CLASP1: variants seen among roughly 807,000 people sequenced by gnomAD.
The protein encoded by CLASP1 is CLIP-associating protein 1.
A neutral mutation model predicts 192.3 loss-of-function variants in CLASP1; 38 were observed. The ratio of observed to expected loss-of-function variants is 0.20; its 90% CI spans 0.15 to 0.26. CLASP1 has a LOEUF of 0.26. Among genes scored for constraint, CLASP1 ranks in the 10% least tolerant of loss-of-function variants. The probability of loss-of-function intolerance (pLI) is 1.00; values close to 1 mark genes in which losing one functional copy is unlikely to be tolerated. For missense variants in CLASP1, 1,433 were observed against 1,932.5 expected, an observed-to-expected ratio of 0.74 and a Z score of 4.85; for synonymous variants, 691 against 712.8, an observed-to-expected ratio of 0.97 and a Z score of 0.49.
intron 1 of CLASP1, among the ~76,000 whole-genome samples, chr2:121,624,845 T>C (rs556024113): frequency 5.3e-5 from 8 of 152,254 alleles, no homozygotes; most frequent in Non-Finnish European, 8.8e-5. Context: ...TTTGCAACCA[T>C]CATCATCATG....
intron 2 of CLASP1, among the ~76,000 whole-genome samples, chr2:121,585,384 G>A (rs935847837): frequency 1.3e-5 from 2 of 152,140 alleles, no homozygotes; most frequent in African/African-American, 4.8e-5. Context: ...CCAGAGGTAG[G>A]TCATGATTTC....
At chr2:121,379,940 A>G (rs1361255139) in intron 33 of CLASP1, among the ~76,000 whole-genome samples, 1 of 152,170 alleles carries the variant, frequency 6.6e-6, no homozygotes, top group Non-Finnish European at 1.5e-5. Flanking sequence ...CAAACTCCCA[A>G]TTCAGGAGCA....
exon 40 of CLASP1, chr2:121,339,002 G>C (rs2062569598): frequency 6.6e-6 from 1 of 152,484 alleles, no homozygotes; most frequent in African/African-American, 2.4e-5. Flanking sequence ...AAAAGACCTG[G>C]TCCTGCTATA....
In CLASP1 at chr2:121,367,459, T is replaced by C. The variant is rs539698048; in HGVS notation, c.3886+129A>G. ...TTCAGTTAAGTAGTGCCTGAACAAA[T>C]GACTAAGCAGAAAGAACAGACCCAG... On this transcript the variant is annotated intron_variant, in intron 35 of 39. Coordinates refer to ENST00000263710, the Ensembl canonical transcript of CLASP1. 5.5e-5 allele frequency: 69 copies of C among 1,253,878 alleles called. No homozygotes were observed. In the African/African-American group the frequency reaches 9.5e-4, roughly 17 times the overall value. The allele number at this position is 1,253,878 out of a possible 1,614,324, so 77.7% of individuals were successfully genotyped here.
At chr2:121,521,698 A>AT (rs35142834) in intron 6 of CLASP1, among the ~76,000 whole-genome samples, 2 of 152,222 alleles carry the variant, frequency 1.3e-5, no homozygotes, top group African/African-American at 4.8e-5. Context: ...TGCCAAGTTA[A>AT]TTTTAAACAC....
chr2:121,414,182 G>C (rs1461296022), intron 23 of CLASP1, among the ~76,000 whole-genome samples: 1 of 152,160 alleles, frequency 6.6e-6, no homozygotes, highest in East Asian at 1.9e-4. Flanking sequence ...AGCACTAGTG[G>C]ACCTGGAATG....
intron 2 of CLASP1, chr2:121,530,935 T>G (rs776819299): frequency 1.4e-6 from 1 of 700,300 alleles, no homozygotes; most frequent in African/African-American, 1.7e-5. Context: ...GTGAGGGCAG[T>G]ACTGCTAACG....
At chr2:121,478,742 C>CCACACACACCA (rs1291728308) in intron 8 of CLASP1, among the ~76,000 whole-genome samples, 3 of 45,140 alleles carry the variant, frequency 6.6e-5, no homozygotes, top group East Asian at 1.4e-3. Flanking sequence ...CACACACACC[C>CCACACACACCA]CACACACACC....
chr2:121,532,365 G>A (rs2094916718), intron 2 of CLASP1: 1 of 152,166 alleles, frequency 6.6e-6, no homozygotes, highest in African/African-American at 2.4e-5. Flanking sequence ...TTCACACTAT[G>A]ACTTCCTTCC....
intron 1 of CLASP1, among the ~76,000 whole-genome samples, chr2:121,619,702 A>G (rs1328543778): frequency 6.6e-6 from 1 of 152,224 alleles, no homozygotes; most frequent in Non-Finnish European, 1.5e-5. Context: ...TATTTTAAAC[A>G]TATTTTTCCC....
chr2:121,382,771 A>T (rs2072051140), intron 32 of CLASP1, among the ~76,000 whole-genome samples: 1 of 152,220 alleles, frequency 6.6e-6, no homozygotes, highest in Admixed American at 6.5e-5. Flanking sequence ...ATCGGACCAG[A>T]GGGACTCCAG....
intron 20 of CLASP1, among the ~76,000 whole-genome samples, chr2:121,428,409 G>T (rs1414036141): frequency 1.3e-5 from 2 of 152,138 alleles, no homozygotes; most frequent in African/African-American, 4.8e-5. Flanking sequence ...TTTTTATTTG[G>T]CTTAATTTCA....
At chr2:121,394,107 TA>T (rs1240014044) in intron 30 of CLASP1, among the ~76,000 whole-genome samples, 1 of 152,152 alleles carries the variant, frequency 6.6e-6, no homozygotes, top group Non-Finnish European at 1.5e-5. Flanking sequence ...TTACACCCTA[TA>T]TAACCTCTCC....
intron 2 of CLASP1, among the ~76,000 whole-genome samples, chr2:121,553,336 C>T (rs1329391735): frequency 6.6e-6 from 1 of 151,930 alleles, no homozygotes; most frequent in African/African-American, 2.4e-5. Context: ...TACCCTGGAA[C>T]CTAAAATAAA....
chr2:121,577,635 T>A (rs2060655287), intron 2 of CLASP1, among the ~76,000 whole-genome samples: 2 of 152,224 alleles, frequency 1.3e-5, no homozygotes, highest in African/African-American at 4.8e-5. Flanking sequence ...CTGACCCACG[T>A]AATTCTTTGG....
chr2:121,444,618 G>C (rs546003933), intron 19 of CLASP1, among the ~76,000 whole-genome samples: 4 of 152,240 alleles, frequency 2.6e-5, no homozygotes, highest in African/African-American at 9.6e-5. Flanking sequence ...ACCCAAGACA[G>C]GCAGTCCATG....
At chr2:121,515,592 CA>C in intron 7 of CLASP1, 72 bp downstream of exon 7, 2 of 991,686 alleles carry the variant, frequency 2.0e-6, no homozygotes, top group Non-Finnish European at 2.9e-6. Flanking sequence ...TATTGCAAAT[CA>C]AGATATTAAC....
At chr2:121,420,187 G>A in intron 22 of CLASP1, among the ~76,000 whole-genome samples, 1 of 151,984 alleles carries the variant, frequency 6.6e-6, no homozygotes, top group Non-Finnish European at 1.5e-5. Context: ...GACATAAAGG[G>A]CTTTATTGGG....
chr2:121,611,595 G>T (rs2065510229), intron 1 of CLASP1, among the ~76,000 whole-genome samples: 1 of 129,936 alleles, frequency 7.7e-6, no homozygotes, highest in Non-Finnish European at 1.6e-5. Flanking sequence ...AACTGGAGGA[G>T]GAGGAGTTGG....
Sources: allele counts gnomAD v4.1 joint callset (sites outside exome capture counted in the v4.1 genomes callset), GRCh38; gene constraint gnomAD v4.1.1; transcripts MANE v1.5; gene names NCBI Gene and HGNC (gene_info 2026-07-23, HGNC 2026-07-21).